The following NRCAM variants were observed in gnomAD, a reference collection of about 807,000 sequenced individuals.
NRCAM encodes neuronal cell adhesion molecule, also known as NgCAM-related cell adhesion molecule.
A neutral mutation model predicts 156.5 loss-of-function variants in NRCAM; 83 were observed. The observed-to-expected ratio is 0.53, with a 90% confidence interval of 0.44 to 0.64. The LOEUF is 0.64. Among genes scored for constraint, NRCAM ranks in the 30% least tolerant of loss-of-function variants. The pLI is 0.00. For synonymous variants in NRCAM, 538 were observed against 563.9 expected, an observed-to-expected ratio of 0.95 and a Z score of 0.65; for missense variants, 1,417 against 1,597.3, an observed-to-expected ratio of 0.89 and a Z score of 1.92.
At chr7:108,316,062 A>C (rs1313046161) in intron 2 of NRCAM, among the ~76,000 whole-genome samples, 1 of 152,220 alleles carries the variant, frequency 6.6e-6, no homozygotes, top group Admixed American at 6.5e-5. Context: ...CAAAGTTCAT[A>C]TGTGGGAAAC....
In NRCAM at chr7:108,355,390, A is replaced by G. The variant is rs566820081; in HGVS notation, c.-173-42659T>C. ...TGTAATTATGAATTACATTTTTAAA[A>G]TAATAATAACACATTTACAGATCAC... On this transcript the variant is annotated intron_variant, in intron 2 of 32. Transcript: ENST00000379028. 4.6e-5 allele frequency among the ~76,000 whole-genome samples: 7 copies of G among 152,330 alleles called. No individual in the cohort carries two copies. The South Asian group carries it at 1.4e-3, about 32-fold the overall frequency.
chr7:108,268,301 G>A (rs1466720233), intron 3 of NRCAM, among the ~76,000 whole-genome samples: 2 of 152,124 alleles, frequency 1.3e-5, no homozygotes, highest in Non-Finnish European at 2.9e-5. Context: ...AAGAAGCAGT[G>A]GATGTTCCAA....
chr7:108,349,149 T>C (rs549285114), intron 2 of NRCAM, among the ~76,000 whole-genome samples: 169 of 152,302 alleles, frequency 1.1e-3, no homozygotes, highest in Middle Eastern at 3.4e-3. Context: ...AAGAGAGCAC[T>C]GGTTTGCCAA....
At chr7:108,399,656 G>A (rs185359693) in intron 1 of NRCAM, 63 bp from the exon 2 acceptor site, 2 of 152,314 alleles carry the variant, frequency 1.3e-5, no homozygotes, top group Admixed American at 6.5e-5. Flanking sequence ...CTATTTAGCT[G>A]AGATTTCATC....
intron 3 of NRCAM, among the ~76,000 whole-genome samples, chr7:108,293,991 T>C (rs2098394725): frequency 6.6e-6 from 1 of 152,088 alleles, no homozygotes; most frequent in Non-Finnish European, 1.5e-5. Context: ...ACCCTAAATT[T>C]CTCATACTCT....
intron 3 of NRCAM, among the ~76,000 whole-genome samples, chr7:108,256,698 T>C (rs1441360875): frequency 6.6e-6 from 1 of 152,146 alleles, no homozygotes; most frequent in East Asian, 1.9e-4. Context: ...CCATCTATGA[T>C]TCTACTTATA....
intron 2 of NRCAM, among the ~76,000 whole-genome samples, chr7:108,339,557 T>C (rs762526960): frequency 1.3e-5 from 2 of 152,152 alleles, no homozygotes; most frequent in African/African-American, 2.4e-5. Context: ...AAAGGCAATG[T>C]TGGGCATGCT....
chr7:108,444,955 T>C (rs1263113651), intron 1 of NRCAM, among the ~76,000 whole-genome samples: 2 of 152,200 alleles, frequency 1.3e-5, no homozygotes, highest in Non-Finnish European at 2.9e-5. Context: ...ACAGAATAAA[T>C]GCAAAATACC....
intron 2 of NRCAM, among the ~76,000 whole-genome samples, chr7:108,392,508 T>G (rs1368325695): frequency 6.6e-6 from 1 of 152,210 alleles, no homozygotes; most frequent in Non-Finnish European, 1.5e-5. Context: ...TTCTTTGCGA[T>G]GGGTTTGAAC....
At position 108,385,253 on chromosome 7, in the gene NRCAM, C is replaced by G. The variant is rs183570110; in HGVS notation, c.-174+14183G>C. Among the ~76,000 whole-genome samples, 432 of 152,292 alleles carry G rather than the reference C, an allele frequency of 2.8e-3. 1 individual carries two copies. Among genetic ancestry groups the G allele is most frequent in the African/African-American group, 9.7e-3 (404 of 41,562 alleles). ...TATTTCCTTAGAGGGGTAGAGATCA[C>G]TGCTGCTGTACTGTCCTCTGATGCA... On this transcript the variant is annotated intron_variant, in intron 2 of 32. Transcript: ENST00000379028.
intron 3 of NRCAM, among the ~76,000 whole-genome samples, chr7:108,285,709 C>A (rs895003940): frequency 1.3e-5 from 2 of 152,196 alleles, no homozygotes; most frequent in Non-Finnish European, 2.9e-5. Context: ...ACAAAGTTAT[C>A]ATTCACTATA....
chr7:108,194,070 T>A lies in NRCAM; in HGVS notation c.1732A>T (p.Thr578Ser). Reference sequence around the variant, plus strand: ...CTGTTGTCCTTCAGCCACAGGACAGTGAGGGATAAGGTGTGATCATGTTTC... The same window carrying A: ...CTGTTGTCCTTCAGCCACAGGACAGAGAGGGATAAGGTGTGATCATGTTTC... ...KVKHDHTLSL[T>S]VLWLKDNREL... The change falls in exon 17 of 33, where the codon ACT becomes TCT. Residue 578 changes from threonine to serine, a missense_variant. Thr to Ser is a moderately conservative substitution (Grantham distance 58, BLOSUM62 1). Transcript: ENST00000379028. 1 of 1,614,156 alleles carries A rather than the reference T, an allele frequency of 6.2e-7. No individual in the cohort carries two copies. Among genetic ancestry groups the A allele is most frequent in the South Asian group, 1.1e-5 (1 of 91,082 alleles).
Position 108,353,610 on chromosome 7 carries a change from T to A in NRCAM, c.-173-40879A>T, listed in dbSNP as rs1322947151. On this transcript the variant is annotated intron_variant, in intron 2 of 32. Transcript: ENST00000379028. ...TGCAGGGATTACAGGCATGAACCAC[T>A]GCACCTGGCCTTCCATTTTCTTCTG... Among the ~76,000 whole-genome samples the A allele has an allele frequency of 1.1e-4, 16 of 152,214 alleles. 1 individual carries two copies. Among genetic ancestry groups the A allele is most frequent in the Admixed American group, 1.0e-3 (16 of 15,268 alleles).
intron 3 of NRCAM, among the ~76,000 whole-genome samples, chr7:108,259,652 AC>A (rs1162295290): frequency 5.3e-5 from 8 of 152,346 alleles, no homozygotes; most frequent in Admixed American, 5.2e-4. Context: ...ACAATGGAAT[AC>A]TATGCAGCCA....
At chr7:108,215,415 C>T (rs2087656949) in intron 11 of NRCAM, among the ~76,000 whole-genome samples, 1 of 151,824 alleles carries the variant, frequency 6.6e-6, no homozygotes, top group South Asian at 2.1e-4. Flanking sequence ...TGGGGTTTCA[C>T]CATGTTAGCC....
chr7:108,332,891 G>A (rs1178908564), intron 2 of NRCAM, among the ~76,000 whole-genome samples: 3 of 152,008 alleles, frequency 2.0e-5, no homozygotes, highest in East Asian at 1.9e-4. Context: ...AATAATAACC[G>A]AAATTTGGAA....
intron 2 of NRCAM, among the ~76,000 whole-genome samples, chr7:108,336,447 G>A (rs910019888): frequency 2.0e-5 from 3 of 152,178 alleles, no homozygotes; most frequent in Admixed American, 6.5e-5. Flanking sequence ...CAACTAAAAC[G>A]ACTTGCCTTT....
chr7:108,266,576 G>A (rs2097113399), intron 3 of NRCAM, among the ~76,000 whole-genome samples: 1 of 152,214 alleles, frequency 6.6e-6, no homozygotes, highest in Non-Finnish European at 1.5e-5. Flanking sequence ...AAGAGATAGA[G>A]TTCAAATCAG....
At chr7:108,445,879 G>C (rs966814297) in intron 1 of NRCAM, among the ~76,000 whole-genome samples, 2 of 152,134 alleles carry the variant, frequency 1.3e-5, no homozygotes, top group African/African-American at 2.4e-5. Flanking sequence ...CATCTTAAGG[G>C]AGAAAGTTCC....
Sources: allele counts gnomAD v4.1 joint callset (sites outside exome capture counted in the v4.1 genomes callset), GRCh38; gene constraint gnomAD v4.1.1; transcripts MANE v1.5; gene names NCBI Gene and HGNC (gene_info 2026-07-23, HGNC 2026-07-21).